The following REEP1 variants were observed in gnomAD, a reference collection of about 807,000 sequenced individuals.
The protein encoded by REEP1 is receptor expression-enhancing protein 1.
Under a neutral mutation model 40.3 loss-of-function variants are expected in REEP1, and 22 were observed. The ratio of observed to expected loss-of-function variants is 0.55; its 90% CI spans 0.39 to 0.78. REEP1 has a LOEUF of 0.78. Ranked by LOEUF, REEP1 falls within the 30% of genes least tolerant of loss-of-function variation. REEP1 has a pLI of 0.00. For missense variants in REEP1, 280 were observed against 361.1 expected, an observed-to-expected ratio of 0.78 and a Z score of 1.82; for synonymous variants, 116 against 139.2, an observed-to-expected ratio of 0.83 and a Z score of 1.17.
intron 5 of REEP1, among the ~76,000 whole-genome samples, chr2:86,247,545 TAAG>T (rs1329877597): frequency 6.9e-6 from 1 of 144,238 alleles, no homozygotes; most frequent in Non-Finnish European, 1.5e-5. Context: ...CAAAAATTAA[TAAG>T]AACTTCCTTT....
intron 4 of REEP1, among the ~76,000 whole-genome samples, chr2:86,253,175 G>A (rs1256070843): frequency 6.6e-6 from 1 of 152,138 alleles, no homozygotes; most frequent in South Asian, 2.1e-4. Flanking sequence ...CAGCTACCTG[G>A]GAGGCTGAGG....
At chr2:86,294,151 T>C (rs183950677) in intron 1 of REEP1, among the ~76,000 whole-genome samples, 9 of 152,178 alleles carry the variant, frequency 5.9e-5, no homozygotes, top group African/African-American at 1.4e-4. Context: ...TGGGGGGATA[T>C]AGGGAGTTGA....
intron 5 of REEP1, among the ~76,000 whole-genome samples, chr2:86,235,279 G>T (rs1404040522): frequency 6.6e-6 from 1 of 152,202 alleles, no homozygotes; most frequent in African/African-American, 2.4e-5. Flanking sequence ...GTCAGGCCTT[G>T]ATTCAAATTC....
At position 86,314,827 on chromosome 2, in the gene REEP1, G is replaced by A. The variant is rs192809410; in HGVS notation, c.32+22652C>T. On this transcript the variant is annotated intron_variant, in intron 1 of 8. Transcript: ENST00000538924. ...CCCACCTCAGCCTGCTGAGTAGCTGGGACTACAGGCATGCGCCACCATACC... is the reference window on the plus strand; with the variant it reads ...CCCACCTCAGCCTGCTGAGTAGCTGAGACTACAGGCATGCGCCACCATACC... Among the ~76,000 whole-genome samples the A allele has an allele frequency of 8.3e-4, 125 of 150,416 alleles. 1 individual carries two copies. In the Middle Eastern group the frequency reaches 0.01, roughly 12 times the overall value.
rs74521582 is a variant in REEP1 at position 86,319,877 on chromosome 2, A to G, written c.32+17602T>C. On this transcript the variant is annotated intron_variant, in intron 1 of 8. Coordinates refer to ENST00000538924, the MANE Select transcript of REEP1 (RefSeq NM_001371279.1). ...ATGTGACAATGGAGGCAGAGATTAAAGTGACGCATTTACAAGCCAAAGAAG... is the reference window on the plus strand; with the variant it reads ...ATGTGACAATGGAGGCAGAGATTAAGGTGACGCATTTACAAGCCAAAGAAG... Among the ~76,000 whole-genome samples, 560 of 152,324 alleles carry G rather than the reference A, an allele frequency of 3.7e-3. 5 individuals carry two copies. The highest frequency in any genetic ancestry group is 0.012 in the African/African-American group (508 of 41,582).
intron 1 of REEP1, among the ~76,000 whole-genome samples, chr2:86,306,791 T>A (rs1003233329): frequency 4.5e-4 from 69 of 151,976 alleles, no homozygotes; most frequent in African/African-American, 1.6e-3. Flanking sequence ...ACACTGCTGG[T>A]CCCCATGGTA....
intron 6 of REEP1, among the ~76,000 whole-genome samples, chr2:86,228,448 C>A (rs1674836175): frequency 8.5e-6 from 1 of 117,456 alleles, no homozygotes; most frequent in Non-Finnish European, 1.9e-5. Flanking sequence ...TTCATGGGAT[C>A]CCCTTCACTT....
At chr2:86,283,339 A>G (rs1678201356) in intron 1 of REEP1, among the ~76,000 whole-genome samples, 1 of 152,168 alleles carries the variant, frequency 6.6e-6, no homozygotes, top group Non-Finnish European at 1.5e-5. Context: ...AGATGAGGTC[A>G]CCCCAGGTGC....
intron 6 of REEP1, among the ~76,000 whole-genome samples, chr2:86,232,239 G>C (rs573087438): frequency 6.6e-6 from 1 of 152,210 alleles, no homozygotes; most frequent in South Asian, 2.1e-4. Context: ...CAACACTTAG[G>C]TATCAACAGG....
chr2:86,243,045 A>C (rs994684393), intron 5 of REEP1, among the ~76,000 whole-genome samples: 1 of 152,212 alleles, frequency 6.6e-6, no homozygotes, highest in African/African-American at 2.4e-5. Context: ...GATATTCAGC[A>C]GAGAACCAGG....
intron 2 of REEP1, among the ~76,000 whole-genome samples, chr2:86,264,251 C>G (rs1677027062): frequency 6.6e-6 from 1 of 152,178 alleles, no homozygotes; most frequent in Admixed American, 6.5e-5. Context: ...CCACAACTGA[C>G]TCAGGCTGAA....
intron 8 of REEP1, among the ~76,000 whole-genome samples, chr2:86,217,378 G>A (rs2103946625): frequency 6.6e-6 from 1 of 152,280 alleles, no homozygotes; most frequent in South Asian, 2.1e-4. Flanking sequence ...TGTGCAGAAT[G>A]ACACATCTTT....
At chr2:86,241,228 G>T (rs1326347047) in intron 5 of REEP1, among the ~76,000 whole-genome samples, 1 of 152,226 alleles carries the variant, frequency 6.6e-6, no homozygotes, top group African/African-American at 2.4e-5. Flanking sequence ...TGCTGGAAAG[G>T]GACAATGAGA....
chr2:86,312,248 C>T (rs954777310), intron 1 of REEP1, among the ~76,000 whole-genome samples: 3 of 152,216 alleles, frequency 2.0e-5, no homozygotes, highest in Admixed American at 2.0e-4. Context: ...TCAAGTGGCA[C>T]AATCTCACCA....
intron 1 of REEP1, chr2:86,297,590 C>T: frequency 1.9e-6 from 1 of 528,382 alleles, no homozygotes; most frequent in Non-Finnish European, 2.4e-6. Context: ...GGGATGCCAC[C>T]TAGCTGGGAG....
chr2:86,337,406 AG>A lies in REEP1; in HGVS notation c.32+72del. On this transcript the variant is annotated intron_variant, in intron 1 of 8. Coordinates refer to ENST00000538924, the MANE Select transcript of REEP1 (RefSeq NM_001371279.1). This position sits in a 1 kb window ranked among gnomAD's most constrained non-coding sequence, Gnocchi z 5.8. ...CCGAGCCACTGGGACCGGGCGCTGT[AG>A]GGGCGCGCGCAGCCCGGGGCCGGGG... is the stretch of plus-strand genomic sequence containing the variant. 9.7e-7 allele frequency: 1 copy of A among 1,035,524 alleles called. No homozygotes were observed. The highest frequency in any genetic ancestry group is 1.7e-5 in the African/African-American group (1 of 58,950). The allele number at this position is 1,035,524 out of a possible 1,614,324, so 64.1% of individuals were successfully genotyped here.
At chr2:86,282,323 G>A in intron 1 of REEP1, 81 bp from the exon 2 acceptor site, 1 of 1,053,606 alleles carries the variant, frequency 9.5e-7, no homozygotes, top group Non-Finnish European at 1.5e-6. Context: ...AATGCCAAGA[G>A]CAACTCTCTA....
chr2:86,288,798 T>G (rs942017645), intron 1 of REEP1, among the ~76,000 whole-genome samples: 8 of 34,962 alleles, frequency 2.3e-4, no homozygotes, highest in African/African-American at 4.7e-4. Context: ...TTTTTGCCAC[T>G]GTGATGGGTA....
At chr2:86,252,198 G>T in intron 4 of REEP1, 128 bp from the exon 5 acceptor site, 1 of 745,976 alleles carries the variant, frequency 1.3e-6, no homozygotes, top group Non-Finnish European at 2.4e-6. Flanking sequence ...CTGAAAAGCT[G>T]TAGGCACTTT....
Sources: gnomAD v4.1 joint callset for allele counts (sites outside exome capture counted in the v4.1 genomes callset) on GRCh38, gnomAD v4.1.1 for gene constraint, Gnocchi (gnomAD v3.1) non-coding constraint, MANE v1.5 for transcripts, NCBI Gene and HGNC (gene_info 2026-07-23, HGNC 2026-07-21) for gene names.